The following SEMA3E variants were observed in gnomAD, a reference collection of about 807,000 sequenced individuals.
SEMA3E encodes the protein semaphorin 3E, also known as semaphorin-3E.
SEMA3E carries 49 observed loss-of-function variants against 93.6 expected under a neutral mutation model. The observed-to-expected ratio is 0.52, with a 90% CI of 0.42 to 0.66. The LOEUF is 0.66. Ranked by LOEUF, SEMA3E falls within the 30% of genes least tolerant of loss-of-function variation. The pLI is 0.00. For missense variants in SEMA3E, 906 were observed against 964.8 expected, an observed-to-expected ratio of 0.94 and a Z score of 0.81; for synonymous variants, 363 against 330.7, an observed-to-expected ratio of 1.10 and a Z score of -1.06.
chr7:83,378,156 A>AT (rs138186386), intron 16 of SEMA3E, among the ~76,000 whole-genome samples: 18,323 of 151,944 alleles, frequency 0.12, 1,142 homozygotes, highest in East Asian at 0.15. Flanking sequence ...GGAAATATAT[A>AT]TAGCCACTGA....
chr7:83,508,391 T>C (rs1460533166), intron 1 of SEMA3E, among the ~76,000 whole-genome samples: 1 of 151,794 alleles, frequency 6.6e-6, no homozygotes, highest in Non-Finnish European at 1.5e-5. Context: ...GCCTCCCGAG[T>C]AGCTGGGATT....
At chr7:83,519,094 T>G (rs1445873349) in intron 1 of SEMA3E, among the ~76,000 whole-genome samples, 2 of 152,000 alleles carry the variant, frequency 1.3e-5, no homozygotes, top group Non-Finnish European at 1.5e-5. Flanking sequence ...TAGCATTAGG[T>G]ATATCTCCTA....
At chr7:83,633,718 G>A (rs1036230703) in intron 1 of SEMA3E, among the ~76,000 whole-genome samples, 4 of 152,154 alleles carry the variant, frequency 2.6e-5, no homozygotes, top group Admixed American at 2.6e-4. Flanking sequence ...ATGGGAGAGA[G>A]TGTGGGCAAC....
intron 4 of SEMA3E, among the ~76,000 whole-genome samples, chr7:83,435,521 G>A (rs1210817118): frequency 2.0e-5 from 3 of 152,178 alleles, no homozygotes; most frequent in Middle Eastern, 3.4e-3. Context: ...GCTGGAACCC[G>A]GCAGGCAGAG....
At chr7:83,630,996 T>C (rs1195798247) in intron 1 of SEMA3E, among the ~76,000 whole-genome samples, 2 of 152,104 alleles carry the variant, frequency 1.3e-5, no homozygotes, top group Non-Finnish European at 2.9e-5. Context: ...TTTAAGAACA[T>C]GGGACTTTCT....
intron 1 of SEMA3E, among the ~76,000 whole-genome samples, chr7:83,632,219 C>T (rs1300265691): frequency 3.3e-5 from 5 of 151,554 alleles, no homozygotes; most frequent in African/African-American, 1.2e-4. Flanking sequence ...AAGCAAGCAT[C>T]TCTGGAGTAT....
chr7:83,380,629 C>T (rs895607031), intron 16 of SEMA3E, among the ~76,000 whole-genome samples: 7 of 151,960 alleles, frequency 4.6e-5, no homozygotes, highest in African/African-American at 1.7e-4. Flanking sequence ...TGCCACCACC[C>T]TACCCAATCT....
intron 1 of SEMA3E, among the ~76,000 whole-genome samples, chr7:83,622,839 A>G (rs1009616870): frequency 6.6e-6 from 1 of 151,544 alleles, no homozygotes; most frequent in African/African-American, 2.4e-5. Flanking sequence ...AGGGTGGGGA[A>G]GAGTTGCGAA....
intron 1 of SEMA3E, among the ~76,000 whole-genome samples, chr7:83,539,508 G>A (rs1176006409): frequency 6.6e-6 from 1 of 152,112 alleles, no homozygotes; most frequent in East Asian, 1.9e-4. Context: ...AACTTTTGTG[G>A]TGTTCCCTGG....
chr7:83,428,687 T>G (rs1484355611), intron 4 of SEMA3E, among the ~76,000 whole-genome samples: 1 of 152,036 alleles, frequency 6.6e-6, no homozygotes, highest in Non-Finnish European at 1.5e-5. Context: ...AGGAGTAAAA[T>G]AGCAAGTAAA....
At chr7:83,404,803 G>A (rs1336970095) in intron 9 of SEMA3E, among the ~76,000 whole-genome samples, 3 of 151,976 alleles carry the variant, frequency 2.0e-5, no homozygotes. Flanking sequence ...AGTGTTCTAT[G>A]ATTATGAAAT....
intron 3 of SEMA3E, among the ~76,000 whole-genome samples, 167 bp from the exon 4 acceptor site, chr7:83,466,768 A>T (rs1197486880): frequency 1.3e-5 from 2 of 152,220 alleles, no homozygotes; most frequent in African/African-American, 4.8e-5. Flanking sequence ...CTTGGAGAAG[A>T]AACTGGGGTG....
At chr7:83,594,596 T>G (rs1005972204) in intron 1 of SEMA3E, among the ~76,000 whole-genome samples, 16 of 152,110 alleles carry the variant, frequency 1.1e-4, no homozygotes, top group African/African-American at 3.9e-4. Context: ...TTGGAGTCTG[T>G]CTTTGCTCCC....
chr7:83,470,862 C>CTTTTTTTTTTTT (rs60392556), intron 2 of SEMA3E, among the ~76,000 whole-genome samples: 1 of 139,942 alleles, frequency 7.1e-6, no homozygotes, highest in Non-Finnish European at 1.5e-5. Flanking sequence ...CCCACATTTT[C>CTTTTTTTTTTTT]TTTTTTTTTT....
intron 1 of SEMA3E, among the ~76,000 whole-genome samples, chr7:83,573,924 C>T (rs1439589970): frequency 6.6e-6 from 1 of 151,812 alleles, no homozygotes; most frequent in Admixed American, 6.6e-5. Context: ...TAATTTATTA[C>T]TAGCTACTGA....
At chr7:83,422,182 A>C (rs373409540) in intron 4 of SEMA3E, among the ~76,000 whole-genome samples, 1 of 152,180 alleles carries the variant, frequency 6.6e-6, no homozygotes, top group Admixed American at 6.5e-5. Flanking sequence ...TCTCAAAAAT[A>C]AACAAATTAA....
intron 2 of SEMA3E, among the ~76,000 whole-genome samples, chr7:83,486,603 C>T (rs961994643): frequency 2.6e-5 from 4 of 152,150 alleles, no homozygotes; most frequent in South Asian, 2.1e-4. Flanking sequence ...ACTCCTACTC[C>T]GCTGCTACTA....
At chr7:83,624,949 C>A (rs189401823) in intron 1 of SEMA3E, among the ~76,000 whole-genome samples, 2 of 152,168 alleles carry the variant, frequency 1.3e-5, no homozygotes, top group Non-Finnish European at 2.9e-5. Context: ...ATATAGCTAG[C>A]CAGTTTTCCC....
chr7:83,474,784 A>C (rs949763038), intron 2 of SEMA3E, among the ~76,000 whole-genome samples: 1 of 152,206 alleles, frequency 6.6e-6, no homozygotes, highest in Admixed American at 6.5e-5. Context: ...GTGAAGCTGC[A>C]GAGTTTATAA....
Sources: gnomAD v4.1 joint callset for allele counts (sites outside exome capture counted in the v4.1 genomes callset) on GRCh38, gnomAD v4.1.1 for gene constraint, MANE v1.5 for transcripts, NCBI Gene and HGNC (gene_info 2026-07-23, HGNC 2026-07-21) for gene names.